Variants in FAAH2 observed in about 807,000 individuals in gnomAD.
FAAH2 encodes fatty-acid amide hydrolase 2.
Under a neutral mutation model 36.9 loss-of-function variants are expected in FAAH2, and 60 were observed. The observed-to-expected ratio is 1.63, with a 90% CI of 1.32 to 2.02. FAAH2 has a LOEUF of 2.02. FAAH2 is among the 30% of genes most tolerant of loss of function. The pLI, the probability that FAAH2 is intolerant of heterozygous loss-of-function variation, is 0.00. For synonymous variants in FAAH2, 214 were observed against 143.8 expected, an observed-to-expected ratio of 1.49 and a Z score of -3.49; for missense variants, 689 against 397.5, an observed-to-expected ratio of 1.73 and a Z score of -6.23.
intron 7 of FAAH2, among the ~76,000 whole-genome samples, chrX:57,424,992 A>T (rs1251252021): frequency 2.7e-5 from 3 of 111,480 alleles, no homozygotes; most frequent in Admixed American, 1.9e-4. Context: ...ATAAAAAATC[A>T]ATTAAGGATA....
At position 57,393,833 on chromosome X, in the gene FAAH2, T is replaced by C. The variant is rs943627293; in HGVS notation, c.996+12804T>C. On this transcript the variant is annotated intron_variant, in intron 7 of 10. Coordinates refer to ENST00000374900, the MANE Select transcript of FAAH2 (RefSeq NM_174912.4). ...AATCGTGATCTTCCTCAGGAATCTA[T>C]CATTGGTATTCAACACTCTTTGCCA... The C allele has an allele frequency of 6.9e-6, 6 of 867,336 alleles. No individual in the cohort carries two copies. In the Admixed American group the frequency reaches 1.3e-4, roughly 19 times the overall value. 71.5% of individuals were successfully genotyped at this position (867,336 alleles called of 1,213,427 possible).
the FAAH2 span, among the ~76,000 whole-genome samples, chrX:57,220,878 A>G: frequency 2.7e-5 from 3 of 111,609 alleles, no homozygotes; most frequent in African/African-American, 9.8e-5. Flanking sequence ...AAAACCTCCT[A>G]CTTATATCTC....
At chrX:57,305,371 C>T (rs192385615) in intron 2 of FAAH2, among the ~76,000 whole-genome samples, 3 of 111,157 alleles carry the variant, frequency 2.7e-5, no homozygotes, top group African/African-American at 6.5e-5. Context: ...ATTCCTTCAT[C>T]CCCCACATTC....
intron 10 of FAAH2, among the ~76,000 whole-genome samples, chrX:57,464,601 A>C (rs2057018190): frequency 9.1e-6 from 1 of 109,510 alleles, no homozygotes; most frequent in African/African-American, 3.3e-5. Context: ...TTACCAATAG[A>C]ATCAACAAAC....
At chrX:57,306,276 G>T (rs111461076) in intron 2 of FAAH2, among the ~76,000 whole-genome samples, 1 of 111,101 alleles carries the variant, frequency 9.0e-6, no homozygotes, top group Non-Finnish European at 1.9e-5. Flanking sequence ...TAGAGTGCTG[G>T]CCTTTACTCT....
chrX:57,190,709 C>A, the FAAH2 span, among the ~76,000 whole-genome samples: 1 of 110,337 alleles, frequency 9.1e-6, no homozygotes, highest in Non-Finnish European at 1.9e-5. Flanking sequence ...CTTCTGCTCA[C>A]CCTCCTTGGG....
chrX:57,254,629 ACC>A, the FAAH2 span, among the ~76,000 whole-genome samples: 1 of 111,972 alleles, frequency 8.9e-6, no homozygotes, highest in Non-Finnish European at 1.9e-5. Flanking sequence ...CTCACTCAAA[ACC>A]ACACAACTAC....
intron 2 of FAAH2, among the ~76,000 whole-genome samples, chrX:57,299,439 A>G (rs1326137497): frequency 8.9e-6 from 1 of 111,754 alleles, no homozygotes; most frequent in Non-Finnish European, 1.9e-5. Flanking sequence ...TAAATTAGGT[A>G]TTGATGGGAT....
chrX:57,443,995 G>C (rs772190322), intron 8 of FAAH2, among the ~76,000 whole-genome samples: 2 of 111,869 alleles, frequency 1.8e-5, no homozygotes, highest in East Asian at 5.7e-4. Flanking sequence ...GGGGCATCCA[G>C]CTCTGTAAGA....
intron 3 of FAAH2, among the ~76,000 whole-genome samples, chrX:57,330,003 T>G (rs943182350): frequency 2.7e-5 from 3 of 111,552 alleles, no homozygotes; most frequent in Non-Finnish European, 5.6e-5. Flanking sequence ...CTGAGGAGGA[T>G]GTATGTCACC....
At chrX:57,272,877 G>T in the FAAH2 span, among the ~76,000 whole-genome samples, 2 of 111,967 alleles carry the variant, frequency 1.8e-5, no homozygotes, top group Non-Finnish European at 3.8e-5. Flanking sequence ...CAACCAGCTA[G>T]AATCATAATG....
chrX:57,430,961 G>T (rs976552177), intron 7 of FAAH2, among the ~76,000 whole-genome samples: 5 of 111,828 alleles, frequency 4.5e-5, no homozygotes, highest in African/African-American at 1.6e-4. Context: ...TCTACAGTAT[G>T]TCAAGGCAGG....
the FAAH2 span, chrX:57,135,438 C>T: frequency 1.5e-4 from 30 of 194,303 alleles, no homozygotes; most frequent in Admixed American, 5.1e-4. Flanking sequence ...CAGTCACCTC[C>T]TCCTCTCTCC....
intron 3 of FAAH2, among the ~76,000 whole-genome samples, chrX:57,319,248 A>G (rs777963007): frequency 6.3e-5 from 7 of 111,891 alleles, no homozygotes; most frequent in Non-Finnish European, 1.1e-4. Context: ...TTTGTAGATG[A>G]CATGATTGTA....
intron 5 of FAAH2, among the ~76,000 whole-genome samples, chrX:57,352,477 G>C (rs770094179): frequency 9.2e-6 from 1 of 109,093 alleles, no homozygotes; most frequent in African/African-American, 3.3e-5. Context: ...AATAATAAAG[G>C]CCACATATGA....
At chrX:57,302,408 A>G (rs1433153271) in intron 2 of FAAH2, among the ~76,000 whole-genome samples, 1 of 111,885 alleles carries the variant, frequency 8.9e-6, no homozygotes, top group Non-Finnish European at 1.9e-5. Flanking sequence ...ACCTGGTAGC[A>G]TGCTAGGTGT....
the FAAH2 span, among the ~76,000 whole-genome samples, chrX:57,163,723 C>T: frequency 8.9e-6 from 1 of 112,108 alleles, no homozygotes; most frequent in African/African-American, 3.2e-5. Flanking sequence ...CTTCGGCTCG[C>T]ACACGATGCG....
intron 2 of FAAH2, among the ~76,000 whole-genome samples, chrX:57,294,301 C>A (rs892795993): frequency 1.8e-5 from 2 of 112,314 alleles, no homozygotes; most frequent in African/African-American, 6.5e-5. Context: ...TAAAATCACA[C>A]AGCTACAAAA....
the FAAH2 span, among the ~76,000 whole-genome samples, chrX:57,174,537 C>T: frequency 9.0e-6 from 1 of 111,680 alleles, no homozygotes; most frequent in African/African-American, 3.2e-5. Context: ...TTTCAAAGAA[C>T]AATCTTCTTA....
Sources: gnomAD v4.1 joint callset for allele counts (sites outside exome capture counted in the v4.1 genomes callset) on GRCh38, gnomAD v4.1.1 for gene constraint, MANE v1.5 for transcripts, NCBI Gene and HGNC (gene_info 2026-07-23, HGNC 2026-07-21) for gene names.